Variants in PRKG1 observed in about 807,000 individuals in gnomAD.
PRKG1 encodes cGMP-dependent protein kinase 1.
A neutral mutation model predicts 88.1 loss-of-function variants in PRKG1; 35 were observed. The observed-to-expected ratio is 0.40, with a 90% confidence interval of 0.30 to 0.53. PRKG1 has a LOEUF of 0.53. Among genes scored for constraint, PRKG1 ranks in the 20% least tolerant of loss-of-function variants. PRKG1 has a pLI of 0.59. For synonymous variants in PRKG1, 303 were observed against 292.5 expected (o/e 1.04, Z -0.37); for missense variants, 540 against 839.8 (o/e 0.64, Z 4.41).
chr10:51,804,486 G>A (rs981908248), intron 3 of PRKG1, 99 bp from the exon 4 acceptor site: 11 of 765,800 alleles, frequency 1.4e-5, no homozygotes, highest in Non-Finnish European at 2.2e-5. Flanking sequence ...TCATTTTCAT[G>A]ATTCTCATGA....
intron 7 of PRKG1, among the ~76,000 whole-genome samples, chr10:52,063,811 C>G (rs1367621316): frequency 1.3e-5 from 2 of 151,994 alleles, no homozygotes; most frequent in East Asian, 1.9e-4. Context: ...TAGCTCCTCT[C>G]TGCAGCTGGT....
At chr10:51,859,192 T>C (rs1053809540) in intron 4 of PRKG1, among the ~76,000 whole-genome samples, 1 of 152,228 alleles carries the variant, frequency 6.6e-6, no homozygotes, top group Non-Finnish European at 1.5e-5. Context: ...TTTACACAGA[T>C]GTTCGGAAGC....
chr10:52,174,966 A>G (rs542806808), intron 9 of PRKG1, among the ~76,000 whole-genome samples: 5 of 152,190 alleles, frequency 3.3e-5, no homozygotes, highest in African/African-American at 1.2e-4. Context: ...TAGCATATTC[A>G]TCATCTCAAA....
chr10:51,235,359 A>T (rs569703116), intron 2 of PRKG1, among the ~76,000 whole-genome samples: 1 of 152,346 alleles, frequency 6.6e-6, no homozygotes, highest in Non-Finnish European at 1.5e-5. Flanking sequence ...GTTAGGTTTA[A>T]GTCACTGTCA....
At chr10:51,074,294 C>T, upstream of PRKG1, 1 of 393,464 alleles carries the variant, frequency 2.5e-6, no homozygotes, top group East Asian at 5.4e-5. Flanking sequence ...GACTCTTCTC[C>T]CCCGCGCCGC....
chr10:51,949,166 T>C (rs1330241029), intron 5 of PRKG1, among the ~76,000 whole-genome samples: 1 of 152,144 alleles, frequency 6.6e-6, no homozygotes, highest in Admixed American at 6.5e-5. Context: ...TATAAACACT[T>C]AAGAAATATT....
intron 3 of PRKG1, among the ~76,000 whole-genome samples, chr10:51,803,294 T>A (rs771672092): frequency 2.6e-5 from 4 of 152,276 alleles, no homozygotes; most frequent in African/African-American, 9.6e-5. Context: ...GCTGCTTTGT[T>A]CTATTTCTAC....
intron 9 of PRKG1, among the ~76,000 whole-genome samples, chr10:52,251,303 A>G (rs1841163844): frequency 6.6e-6 from 1 of 152,192 alleles, no homozygotes; most frequent in Admixed American, 6.6e-5. Context: ...CTTTGATTTG[A>G]TAACTGGATT....
intron 2 of PRKG1, among the ~76,000 whole-genome samples, chr10:51,303,422 G>A (rs1023658120): frequency 3.3e-5 from 5 of 151,736 alleles, no homozygotes; most frequent in East Asian, 1.9e-4. Context: ...TCATGTGTGC[G>A]CTGTCAGTGA....
rs557855964 is a variant in PRKG1 at position 52,160,018 on chromosome 10, G to C, written c.1002-1871G>C. 8.6e-5 allele frequency among the ~76,000 whole-genome samples: 13 copies of C among 152,002 alleles called. No individual in the cohort carries two copies. In the East Asian group the frequency reaches 2.5e-3, roughly 29 times the overall value. On this transcript the variant is annotated intron_variant, in intron 8 of 17. Transcript: ENST00000373980. ...TTATGGAATATACATTCTGGTGGTG[G>C]ACGTGCTGCTGAATTGCAGTCATCT... is the stretch of plus-strand genomic sequence containing the variant.
chr10:52,073,695 G>C (rs1045971547), intron 7 of PRKG1, among the ~76,000 whole-genome samples: 3 of 152,170 alleles, frequency 2.0e-5, no homozygotes, highest in African/African-American at 7.2e-5. Flanking sequence ...AAGCTGACCT[G>C]TTGCTCTGAA....
chr10:51,934,542 T>C (rs992459187), intron 5 of PRKG1, among the ~76,000 whole-genome samples: 1 of 152,170 alleles, frequency 6.6e-6, no homozygotes, highest in Non-Finnish European at 1.5e-5. Flanking sequence ...TCACATTACA[T>C]GTTCAGTGTA....
chr10:51,903,723 C>T (rs1479852337), intron 4 of PRKG1, among the ~76,000 whole-genome samples: 1 of 152,084 alleles, frequency 6.6e-6, no homozygotes, highest in African/African-American at 2.4e-5. Context: ...TTCCATATCA[C>T]TATCTAAAAG....
chr10:51,638,367 G>T (rs1839711118), intron 3 of PRKG1, among the ~76,000 whole-genome samples: 1 of 152,212 alleles, frequency 6.6e-6, no homozygotes, highest in Admixed American at 6.5e-5. Flanking sequence ...GAGTGAGCAT[G>T]TGGTGTGTGT....
intron 5 of PRKG1, among the ~76,000 whole-genome samples, chr10:51,978,909 G>T (rs1007541756): frequency 5.7e-4 from 86 of 152,084 alleles, no homozygotes; most frequent in Non-Finnish European, 1.0e-3. Flanking sequence ...CTGCAAACAA[G>T]GATAGCTTGA....
intron 3 of PRKG1, among the ~76,000 whole-genome samples, chr10:51,779,952 A>G (rs1838543042): frequency 6.6e-6 from 1 of 152,178 alleles, no homozygotes; most frequent in Non-Finnish European, 1.5e-5. Flanking sequence ...ATAGTTTTCC[A>G]TCCAAGATTC....
At chr10:51,925,622 C>T (rs1842557826) in intron 5 of PRKG1, among the ~76,000 whole-genome samples, 1 of 152,062 alleles carries the variant, frequency 6.6e-6, no homozygotes, top group Non-Finnish European at 1.5e-5. Context: ...TTAAGGAGAA[C>T]ACAGAGCTCG....
intron 2 of PRKG1, among the ~76,000 whole-genome samples, chr10:51,329,205 A>C (rs945689513): frequency 1.3e-5 from 2 of 152,156 alleles, no homozygotes; most frequent in African/African-American, 4.8e-5. Flanking sequence ...TTGGCTTTAC[A>C]TTTAAGTATT....
rs60409334 is a variant in PRKG1 at position 51,680,351 on chromosome 10, C to T, written c.593-124234C>T. On this transcript the variant is annotated intron_variant, in intron 3 of 17. Coordinates refer to ENST00000373980, the MANE Select transcript of PRKG1 (RefSeq NM_006258.4). ...AAAGGAGGCCCTTGAGCCCCTTGCT[C>T]GGGCCCACTCCCGCCCTGTGGGGTG... 2.5e-3 allele frequency among the ~76,000 whole-genome samples: 379 copies of T among 151,412 alleles called. 4 individuals carry two copies. The highest frequency in any genetic ancestry group is 8.5e-3 in the African/African-American group (352 of 41,324).
Sources: allele counts gnomAD v4.1 joint callset (sites outside exome capture counted in the v4.1 genomes callset), GRCh38; gene constraint gnomAD v4.1.1; transcripts MANE v1.5; gene names NCBI Gene and HGNC (gene_info 2026-07-23, HGNC 2026-07-21).